RNLS: variants seen among roughly 807,000 people sequenced by gnomAD.
RNLS encodes renalase.
Under a neutral mutation model 39.8 loss-of-function variants are expected in RNLS, and 39 were observed. The ratio of observed to expected loss-of-function variants is 0.98; its 90% CI spans 0.76 to 1.28. The LOEUF (loss-of-function observed/expected upper bound fraction) is 1.28. Among genes scored for constraint, RNLS ranks in the 50% most tolerant of loss-of-function variants. RNLS has a pLI of 0.00. For synonymous variants in RNLS, 147 were observed against 150.7 expected, an observed-to-expected ratio of 0.98 and a Z score of 0.18; for missense variants, 410 against 413.3, an observed-to-expected ratio of 0.99 and a Z score of 0.07.
intron 4 of RNLS, among the ~76,000 whole-genome samples, chr10:88,457,545 T>A (rs1024719214): frequency 1.3e-5 from 2 of 152,202 alleles, no homozygotes; most frequent in Admixed American, 6.5e-5. Flanking sequence ...TGCTGAAAAA[T>A]GCAATGACGT....
In RNLS at chr10:88,524,956, C is replaced by CACACACACACAT. The variant is rs768939981; in HGVS notation, c.526+47946_526+47947insATGTGTGTGTGT. ...CATATATATATATATATGGCACACACATACATATATATATATATATATATA... is the reference window on the plus strand; with the variant it reads ...CATATATATATATATATGGCACACACACACACACACATATACATATATATATATATATATATA... On this transcript the variant is annotated intron_variant, in intron 4 of 6. Transcript: ENST00000331772. 3.3e-3 allele frequency among the ~76,000 whole-genome samples: 249 copies of CACACACACACAT among 76,244 alleles called. 8 individuals carry two copies. Among genetic ancestry groups the CACACACACACAT allele is most frequent in the South Asian group, 4.8e-3 (9 of 1,860 alleles). The allele number at this position is 76,244 out of a possible 152,430, so 50.0% of individuals were successfully genotyped here.
At chr10:88,301,940 C>T (rs551822554) in intron 6 of RNLS, among the ~76,000 whole-genome samples, 1 of 152,296 alleles carries the variant, frequency 6.6e-6, no homozygotes, top group Admixed American at 6.5e-5. Context: ...AGCTAAGCTA[C>T]CAACAAAGAA....
the RNLS span, among the ~76,000 whole-genome samples, chr10:88,178,694 T>C: frequency 6.6e-6 from 1 of 152,216 alleles, no homozygotes; most frequent in Non-Finnish European, 1.5e-5. Flanking sequence ...ATCTATTTAT[T>C]GTTTTGGGTC....
chr10:88,583,254 G>A lies in RNLS; in HGVS notation c.-64C>T. 1 of 1,594,720 alleles carries A rather than the reference G, an allele frequency of 6.3e-7. No individual in the cohort carries two copies. Among genetic ancestry groups the A allele is most frequent in the East Asian group, 2.2e-5 (1 of 44,532 alleles). On this transcript the variant is annotated 5_prime_UTR_variant, in exon 1 of 7. Coordinates refer to ENST00000331772, the MANE Select transcript of RNLS (RefSeq NM_001031709.3). ...CGGGGCCGTTCGGCCCGGGCTTTCTGGAAAGGCGGCCGAACCGGCGCTAGC... is the reference window on the plus strand; with the variant it reads ...CGGGGCCGTTCGGCCCGGGCTTTCTAGAAAGGCGGCCGAACCGGCGCTAGC...
chr10:88,239,856 C>T, the RNLS span, among the ~76,000 whole-genome samples: 7 of 152,182 alleles, frequency 4.6e-5, no homozygotes, highest in African/African-American at 1.7e-4. Context: ...TTCCCTTCTC[C>T]AACAAGAGGA....
chr10:88,221,147 T>C, the RNLS span, among the ~76,000 whole-genome samples: 2 of 152,216 alleles, frequency 1.3e-5, no homozygotes, highest in African/African-American at 4.8e-5. Context: ...CAGTCCCACT[T>C]GTCCCTCGGG....
chr10:88,177,050 T>C, the RNLS span, among the ~76,000 whole-genome samples: 3 of 152,246 alleles, frequency 2.0e-5, no homozygotes, highest in Non-Finnish European at 4.4e-5. Flanking sequence ...AGCTATAATA[T>C]GTCTCAGAGA....
chr10:88,318,523 C>T lies in RNLS; in HGVS notation c.701-3882G>A, dbSNP rs1229849760. On this transcript the variant is annotated intron_variant, in intron 5 of 6. Transcript: ENST00000331772. ...ACACTTTTTGTAGTGAATCCACACTCGCTGAAAGTGAGCCCATGCTGCTTG... is the reference window on the plus strand; with the variant it reads ...ACACTTTTTGTAGTGAATCCACACTTGCTGAAAGTGAGCCCATGCTGCTTG... Among the ~76,000 whole-genome samples the T allele has an allele frequency of 4.6e-5, 7 of 152,336 alleles. No homozygotes were observed. The East Asian group carries it at 7.7e-4, about 17-fold the overall frequency.
the RNLS span, among the ~76,000 whole-genome samples, chr10:88,248,072 C>T: frequency 6.6e-6 from 1 of 152,180 alleles, no homozygotes; most frequent in Non-Finnish European, 1.5e-5. Flanking sequence ...TGACTTAAGC[C>T]ACCAAGTTTT....
At chr10:88,243,816 T>C in the RNLS span, among the ~76,000 whole-genome samples, 1 of 152,260 alleles carries the variant, frequency 6.6e-6, no homozygotes, top group South Asian at 2.1e-4. Flanking sequence ...AACTACTCAG[T>C]AACTGAAAGT....
chr10:88,558,972 T>C (rs1204399793), intron 4 of RNLS, among the ~76,000 whole-genome samples: 1 of 152,118 alleles, frequency 6.6e-6, no homozygotes, highest in Non-Finnish European at 1.5e-5. Flanking sequence ...TGCTGAAAAA[T>C]GCAATGAAGC....
At chr10:88,550,593 C>T (rs1188941551) in intron 4 of RNLS, among the ~76,000 whole-genome samples, 3 of 152,116 alleles carry the variant, frequency 2.0e-5, no homozygotes, top group African/African-American at 7.2e-5. Context: ...TGAATATAAG[C>T]CTTTTTGTTT....
chr10:88,199,703 C>T, the RNLS span, among the ~76,000 whole-genome samples: 2 of 152,128 alleles, frequency 1.3e-5, no homozygotes, highest in African/African-American at 4.8e-5. Context: ...CCCATATAGA[C>T]CCTCTGACTC....
intron 5 of RNLS, among the ~76,000 whole-genome samples, chr10:88,352,328 T>C (rs1173981983): frequency 6.6e-6 from 1 of 152,082 alleles, no homozygotes; most frequent in Non-Finnish European, 1.5e-5. Context: ...ATGATATTGG[T>C]TGTGGGTTTG....
intron 4 of RNLS, among the ~76,000 whole-genome samples, chr10:88,415,148 G>C (rs923868522): frequency 6.6e-6 from 1 of 152,128 alleles, no homozygotes; most frequent in African/African-American, 2.4e-5. Context: ...TGAGGATCAG[G>C]GTAAACATTC....
At chr10:88,380,363 C>CTTTT in intron 4 of RNLS, among the ~76,000 whole-genome samples, 2 of 73,110 alleles carry the variant, frequency 2.7e-5, no homozygotes, top group Non-Finnish European at 5.2e-5. Flanking sequence ...GGTTTTGTAT[C>CTTTT]TTTTTTTTTT....
intron 4 of RNLS, among the ~76,000 whole-genome samples, chr10:88,510,312 G>C (rs1335406421): frequency 6.6e-6 from 1 of 151,972 alleles, no homozygotes; most frequent in Admixed American, 6.6e-5. Flanking sequence ...TATCCATCCT[G>C]ATATAAACTG....
chr10:88,199,380 T>C, the RNLS span, among the ~76,000 whole-genome samples: 60 of 152,282 alleles, frequency 3.9e-4, no homozygotes, highest in African/African-American at 1.4e-3. Context: ...GCCCAGATAA[T>C]TCTTTGTTGT....
chr10:88,309,341 A>G, intron 6 of RNLS: 1 of 1,115,166 alleles, frequency 9.0e-7, no homozygotes, highest in Non-Finnish European at 1.2e-6. Flanking sequence ...TAAAATATCA[A>G]TCACCACCTG....
Sources: gnomAD v4.1 joint callset for allele counts (sites outside exome capture counted in the v4.1 genomes callset) on GRCh38, gnomAD v4.1.1 for gene constraint, MANE v1.5 for transcripts, NCBI Gene and HGNC (gene_info 2026-07-23, HGNC 2026-07-21) for gene names.